FCRL1: variants seen among roughly 807,000 people sequenced by gnomAD.
FCRL1 encodes the protein Fc receptor-like protein 1.
In FCRL1, 34 loss-of-function variants were observed where a neutral mutation model predicts 49.2. The observed-to-expected ratio is 0.69, with a 90% confidence interval of 0.53 to 0.92. The LOEUF (loss-of-function observed/expected upper bound fraction) is 0.92. Ranked by LOEUF, FCRL1 falls within the 40% of genes least tolerant of loss-of-function variation. FCRL1 has a pLI of 0.00. For missense variants in FCRL1, 524 were observed against 524.1 expected (o/e 1.00, Z 0.00); for synonymous variants, 218 against 201.6 (o/e 1.08, Z -0.69).
intron 9 of FCRL1, 71 bp downstream of exon 9, chr1:157,797,797 C>T: frequency 6.2e-7 from 1 of 1,612,620 alleles, no homozygotes; most frequent in Non-Finnish European, 8.5e-7. Flanking sequence ...CTGCCATGCA[C>T]AGCCACTGAT....
intron 1 of FCRL1, among the ~76,000 whole-genome samples, chr1:157,812,169 C>T (rs1654419671): frequency 6.6e-6 from 1 of 152,200 alleles, no homozygotes; most frequent in Non-Finnish European, 1.5e-5. Flanking sequence ...TTACTCTGCC[C>T]TTCTCAGCCA....
In FCRL1 at chr1:157,806,471, CCTT is replaced by C. The variant is rs560442828; in HGVS notation, c.52+628_52+630del. The stretch of plus-strand genomic sequence containing the variant: ...CGTGGGGAAAGGGATTGCTTACTCT[CCTT>C]CTTTGGTAAAGGTAAGACTTTGAAT... On this transcript the variant is annotated intron_variant, in intron 2 of 10. Transcript: ENST00000368176. Among the ~76,000 whole-genome samples the C allele has an allele frequency of 1.2e-4, 18 of 152,266 alleles. No individual in the cohort carries two copies. In the South Asian group the frequency reaches 2.1e-3, roughly 18 times the overall value.
At chr1:157,813,796 C>G (rs181629902) in intron 1 of FCRL1, among the ~76,000 whole-genome samples, 5 of 152,228 alleles carry the variant, frequency 3.3e-5, no homozygotes, top group Non-Finnish European at 7.4e-5. Flanking sequence ...TCATTATAAT[C>G]AAATTGTTAA....
intron 9 of FCRL1, 24 bp downstream of exon 9, chr1:157,797,844 C>G: frequency 6.2e-7 from 1 of 1,614,124 alleles, no homozygotes; most frequent in Non-Finnish European, 8.5e-7. Flanking sequence ...AAGTCAGAGA[C>G]AAATTTACTC....
chr1:157,819,986 G>A (rs768711637), intron 1 of FCRL1, 21 bp downstream of exon 1: 2 of 1,613,990 alleles, frequency 1.2e-6, no homozygotes, highest in African/African-American at 1.3e-5. Flanking sequence ...CCCATGCCCT[G>A]CTCTGAGTTG....
Position 157,796,158 on chromosome 1 carries a change from T to A in FCRL1, c.1231A>T (p.Ile411Phe). 2.5e-6 allele frequency: 4 copies of A among 1,613,968 alleles called. 1 individual carries two copies. Among genetic ancestry groups the A allele is most frequent in the Middle Eastern group, 3.3e-4 (2 of 6,060 alleles). ...TTTGCTTTCCTCAGCCTGGAATAGA[T>A]GTCTAAGGAAACCTGGAAGCAAAGA... The part of the protein sequence containing the change: ...THMEDKVSLD[I>F]YSRLRKANIT... The change falls in exon 11 of 11, where the codon ATC becomes TTC. Residue 411 changes from isoleucine (I) to phenylalanine (F), a missense_variant. By Grantham distance (21) the Ile-to-Phe change is conservative. Coordinates refer to ENST00000368176, the MANE Select transcript of FCRL1 (RefSeq NM_052938.5).
chr1:157,799,490 T>C (rs1438859017), intron 7 of FCRL1, among the ~76,000 whole-genome samples: 1 of 152,174 alleles, frequency 6.6e-6, no homozygotes, highest in Non-Finnish European at 1.5e-5. Flanking sequence ...TATTTTATTC[T>C]CTTTGAAGCA....
At chr1:157,808,301 G>C (rs1256745990) in intron 1 of FCRL1, among the ~76,000 whole-genome samples, 1 of 152,106 alleles carries the variant, frequency 6.6e-6, no homozygotes, top group Non-Finnish European at 1.5e-5. Flanking sequence ...GGTTCTCTAA[G>C]AAAAATAAAG....
intron 2 of FCRL1, chr1:157,806,629 CAT>C (rs1280031136): frequency 2.0e-5 from 3 of 153,834 alleles, no homozygotes; most frequent in Middle Eastern, 3.2e-3. Context: ...TCATTCCACA[CAT>C]GTCTGGAGGA....
At chr1:157,798,137 C>A in intron 8 of FCRL1, 24 bp downstream of exon 8, 1 of 1,602,498 alleles carries the variant, frequency 6.2e-7, no homozygotes, top group Non-Finnish European at 8.5e-7. Flanking sequence ...CCATCGTTGG[C>A]CTGGGCCATT....
At chr1:157,815,816 T>A (rs1226659180) in intron 1 of FCRL1, among the ~76,000 whole-genome samples, 1 of 151,870 alleles carries the variant, frequency 6.6e-6, no homozygotes, top group Non-Finnish European at 1.5e-5. Flanking sequence ...TAAGAGACTA[T>A]TGTGAACAAT....
intron 3 of FCRL1, 24 bp from the exon 4 acceptor site, chr1:157,802,688 G>C: frequency 6.2e-7 from 1 of 1,601,510 alleles, no homozygotes; most frequent in Non-Finnish European, 8.5e-7. Context: ...AGATGACATA[G>C]GAAGACCCTG....
In FCRL1 at chr1:157,802,389, T is replaced by C. The variant is rs759796083; in HGVS notation, c.595A>G (p.Ile199Val). Residue 199 changes from isoleucine (I) to valine (V), a missense_variant, in exon 4 of 11, where the codon ATC becomes GTC. By Grantham distance (29) the Ile-to-Val change is conservative. Coordinates refer to ENST00000368176, the MANE Select transcript of FCRL1 (RefSeq NM_052938.5). ...TAGTGGAACTTACTTCTGACAGTGA[T>C]GCTCACCAGCCCACTGGGGCTGGGA... ...YGPSPSGLVS[I>V]TVRIPVSRPI... 1.2e-6 allele frequency: 2 copies of C among 1,614,136 alleles called. No individual in the cohort carries two copies. The highest frequency in any genetic ancestry group is 4.5e-5 in the East Asian group (2 of 44,878).
In FCRL1 at chr1:157,803,906, G is replaced by T; in HGVS notation, c.258C>A (p.Cys86Ter). ...CTTTGGACGCCATTGTCTGTGCCTC[G>T]CACCAGTATGACCCTGTGTCTTCTT... ...MWKEDTGSYWCEAQTMASKVL... is the reference protein window; with the variant it reads ...MWKEDTGSYW The change falls in exon 3 of 11, where the codon TGC becomes TGA. Residue 86 changes from cysteine to a stop codon, truncating the protein, a stop_gained. Transcript: ENST00000368176. LOFTEE classifies it high-confidence loss of function. 1 of 1,614,150 alleles carries T rather than the reference G, an allele frequency of 6.2e-7. No homozygotes were observed.
At position 157,794,520 on chromosome 1, in the gene FCRL1, C is replaced by T. The variant is rs1651213556; in HGVS notation, c.*1579G>A. The T allele has an allele frequency of 6.6e-6, 1 of 152,126 alleles. No homozygotes were observed. The highest frequency in any genetic ancestry group is 2.4e-5 in the African/African-American group (1 of 41,412). 9.4% of individuals were successfully genotyped at this position (152,126 alleles called of 1,614,324 possible). A position where few individuals can be genotyped will look rare whatever the true frequency, so the allele number is the denominator to read the frequency against. On this transcript the variant is annotated 3_prime_UTR_variant, in exon 11 of 11. Transcript: ENST00000368176. The stretch of plus-strand genomic sequence containing the variant: ...GAAGATATAAATTGATACAGCCTTA[C>T]CTGAGAGACATTGAAGACTATTTAA...
chr1:157,803,880 A>C lies in FCRL1; in HGVS notation c.284T>G (p.Val95Gly). 1 of 1,614,086 alleles carries C rather than the reference A, an allele frequency of 6.2e-7. No homozygotes were observed. The highest frequency in any genetic ancestry group is 8.5e-7 in the Non-Finnish European group (1 of 1,180,006). The change falls in exon 3 of 11, where the codon GTC becomes GGC. Residue 95 changes from valine to glycine, a missense_variant. Transcript: ENST00000368176. ...WCEAQTMASK[V>G]LRSRRSQINV... ...TATCTGGGATCTCCTGCTCCTCAAG[A>C]CTTTGGACGCCATTGTCTGTGCCTC... is the stretch of plus-strand genomic sequence containing the variant.
intron 9 of FCRL1, 148 bp from the exon 10 acceptor site, chr1:157,797,280 C>T: frequency 1.1e-6 from 1 of 914,504 alleles, no homozygotes; most frequent in Admixed American, 2.0e-5. Flanking sequence ...CTGTTTATCA[C>T]AAATGTGATT....
At chr1:157,819,712 T>C (rs1386171183) in intron 1 of FCRL1, among the ~76,000 whole-genome samples, 2 of 152,168 alleles carry the variant, frequency 1.3e-5, no homozygotes, top group African/African-American at 2.4e-5. Flanking sequence ...CAGATTTTTC[T>C]TTTGGCAGCT....
At position 157,803,978 on chromosome 1, in the gene FCRL1, G is replaced by C; in HGVS notation, c.186C>G (p.Gly62=). The part of the protein sequence containing the change: ...FCFFRDTRAL[G]PGWSSSPKLQ... Reference sequence around the variant, plus strand: ...GCTTGGGGGAGCTGCTCCAGCCTGGGCCCAAGGCCCGGGTGTCTCTGAAAA... The same window carrying C: ...GCTTGGGGGAGCTGCTCCAGCCTGGCCCCAAGGCCCGGGTGTCTCTGAAAA... Residue 62 remains glycine, a synonymous_variant, in exon 3 of 11, where the codon GGC becomes GGG. Transcript: ENST00000368176. 1 of 1,614,178 alleles carries C rather than the reference G, an allele frequency of 6.2e-7. No homozygotes were observed. The highest frequency in any genetic ancestry group is 2.2e-5 in the East Asian group (1 of 44,884).
Sources: allele counts gnomAD v4.1 joint callset (sites outside exome capture counted in the v4.1 genomes callset), GRCh38; gene constraint gnomAD v4.1.1; transcripts MANE v1.5; gene names NCBI Gene and HGNC (gene_info 2026-07-23, HGNC 2026-07-21).